The following SLC8A1 variants were observed in gnomAD, a reference collection of about 807,000 sequenced individuals.
SLC8A1 encodes solute carrier family 8 member A1, also known as sodium/calcium exchanger 1.
Under a neutral mutation model 68.3 loss-of-function variants are expected in SLC8A1, and 18 were observed. The ratio of observed to expected loss-of-function variants is 0.26; its 90% CI spans 0.18 to 0.39. The LOEUF (loss-of-function observed/expected upper bound fraction) is 0.39, where lower values mean the gene tolerates loss of function less well. Among genes scored for constraint, SLC8A1 ranks in the 10% least tolerant of loss-of-function variants. The pLI is 1.00. For synonymous variants in SLC8A1, 475 were observed against 415.5 expected (o/e 1.14, Z -1.74); for missense variants, 985 against 1,156.7 (o/e 0.85, Z 2.15).
chr2:40,330,821 T>C (rs141134896), intron 2 of SLC8A1, among the ~76,000 whole-genome samples: 16 of 152,286 alleles, frequency 1.1e-4, no homozygotes, highest in African/African-American at 3.8e-4. Flanking sequence ...TCTGGAAAAA[T>C]GACAAATGGC....
intron 1 of SLC8A1, among the ~76,000 whole-genome samples, chr2:40,441,395 GAA>G (rs147850068): frequency 0.12 from 17,141 of 141,672 alleles, 1,234 homozygotes; most frequent in Middle Eastern, 0.23. Flanking sequence ...CATAGAATTA[GAA>G]AAAAAAAAAA....
intron 2 of SLC8A1, among the ~76,000 whole-genome samples, chr2:40,306,522 C>T (rs1054899739): frequency 1.3e-5 from 2 of 152,050 alleles, no homozygotes; most frequent in African/African-American, 2.4e-5. Context: ...GTTATTATCC[C>T]TTAACATTTT....
chr2:40,239,153 AAAC>A (rs2060861555), intron 2 of SLC8A1, among the ~76,000 whole-genome samples: 1 of 152,222 alleles, frequency 6.6e-6, no homozygotes, highest in Non-Finnish European at 1.5e-5. Flanking sequence ...CCTAAAAAGG[AAAC>A]AACAGTCAGC....
Position 40,430,092 on chromosome 2 carries a change from A to G in SLC8A1, c.189T>C (p.Ile63=), listed in dbSNP as rs979241667. Residue 63 remains isoleucine (I), a synonymous_variant, in exon 2 of 8, where the codon ATT becomes ATC. Coordinates refer to ENST00000406785, the Ensembl canonical transcript of SLC8A1. ...CAAAAGAAGGGTCTTGGGGTTCCCA[A>G]ATGGGCAAAATCACCCCTTTCTTAC... The G allele has an allele frequency of 4.3e-6, 7 of 1,613,744 alleles. No homozygotes were observed. The South Asian group carries it at 4.4e-5, about 10-fold the overall frequency.
At chr2:40,331,834 C>G (rs1176429715) in intron 2 of SLC8A1, among the ~76,000 whole-genome samples, 1 of 152,112 alleles carries the variant, frequency 6.6e-6, no homozygotes, top group African/African-American at 2.4e-5. Context: ...CTCAGGTGAT[C>G]CATCAGCCTT....
At chr2:40,218,611 C>G (rs746669609) in intron 2 of SLC8A1, among the ~76,000 whole-genome samples, 1 of 149,058 alleles carries the variant, frequency 6.7e-6, no homozygotes, top group African/African-American at 2.5e-5. Flanking sequence ...GTATATAAAG[C>G]AAAGGGAAAA....
At chr2:40,256,060 G>A (rs751765315) in intron 2 of SLC8A1, among the ~76,000 whole-genome samples, 7 of 152,134 alleles carry the variant, frequency 4.6e-5, no homozygotes, top group South Asian at 4.1e-4. Context: ...AAATCTAACC[G>A]AAGCCACAGG....
At chr2:40,284,123 T>G (rs185372428) in intron 2 of SLC8A1, among the ~76,000 whole-genome samples, 1 of 152,024 alleles carries the variant, frequency 6.6e-6, no homozygotes, top group Non-Finnish European at 1.5e-5. Context: ...ACGAATTACA[T>G]TGTTTCCATT....
intron 2 of SLC8A1, among the ~76,000 whole-genome samples, chr2:40,401,596 A>G (rs1261052216): frequency 6.7e-6 from 1 of 149,216 alleles, no homozygotes; most frequent in Non-Finnish European, 1.5e-5. Flanking sequence ...AAAAAGAAAG[A>G]AAAGAAAGCT....
At chr2:40,233,338 G>T (rs2059933199) in intron 2 of SLC8A1, among the ~76,000 whole-genome samples, 1 of 152,110 alleles carries the variant, frequency 6.6e-6, no homozygotes, top group Non-Finnish European at 1.5e-5. Context: ...GCATTTCTCT[G>T]ATGGCCAGTG....
At chr2:40,350,260 T>C (rs187573840) in intron 2 of SLC8A1, among the ~76,000 whole-genome samples, 121 of 152,166 alleles carry the variant, frequency 8.0e-4, no homozygotes, top group African/African-American at 2.8e-3. Flanking sequence ...GTGGGAAGGA[T>C]AGCTTGAGCC....
chr2:40,413,312 T>C (rs906169573), intron 2 of SLC8A1, among the ~76,000 whole-genome samples: 2 of 152,156 alleles, frequency 1.3e-5, no homozygotes, highest in African/African-American at 4.8e-5. Context: ...CATATGTTTA[T>C]TGCGGCACTA....
chr2:40,284,306 A>G (rs1408417496), intron 2 of SLC8A1, among the ~76,000 whole-genome samples: 1 of 148,892 alleles, frequency 6.7e-6, no homozygotes, highest in Admixed American at 6.8e-5. Context: ...ATTTAGAGAA[A>G]TGTTATAGAT....
intron 2 of SLC8A1, among the ~76,000 whole-genome samples, chr2:40,370,922 T>C (rs1463215157): frequency 1.3e-5 from 2 of 152,086 alleles, no homozygotes; most frequent in Admixed American, 6.6e-5. Context: ...GTGCATTTTA[T>C]TTAGCATGAC....
At chr2:40,122,199 C>T (rs1241376662) in intron 7 of SLC8A1, among the ~76,000 whole-genome samples, 3 of 90,168 alleles carry the variant, frequency 3.3e-5, no homozygotes, top group Non-Finnish European at 5.5e-5. Context: ...CAAGTGCATG[C>T]GCGCGCGCAC....
At chr2:40,473,019 T>C (rs1174665427) in intron 1 of SLC8A1, among the ~76,000 whole-genome samples, 1 of 136,402 alleles carries the variant, frequency 7.3e-6, no homozygotes, top group Non-Finnish European at 1.5e-5. Context: ...GTCAGGAGGG[T>C]AACCTGAGAG....
chr2:40,263,039 A>C (rs2064909649), intron 2 of SLC8A1, among the ~76,000 whole-genome samples: 1 of 152,254 alleles, frequency 6.6e-6, no homozygotes, highest in East Asian at 1.9e-4. Flanking sequence ...TGCCAACTCT[A>C]AAATGGTTTC....
At chr2:40,223,630 G>C (rs2058626964) in intron 2 of SLC8A1, 1 of 151,670 alleles carries the variant, frequency 6.6e-6, no homozygotes, top group Admixed American at 6.6e-5. Flanking sequence ...TTCTCCCTAG[G>C]TTTTGGAAAT....
intron 2 of SLC8A1, among the ~76,000 whole-genome samples, chr2:40,359,103 G>C (rs989134823): frequency 2.1e-4 from 32 of 152,208 alleles, no homozygotes; most frequent in African/African-American, 7.7e-4. Context: ...TGAAGCTGAA[G>C]GTGGGGAAGG....
Sources: allele counts gnomAD v4.1 joint callset (sites outside exome capture counted in the v4.1 genomes callset), GRCh38; gene constraint gnomAD v4.1.1; transcripts MANE v1.5; gene names NCBI Gene and HGNC (gene_info 2026-07-23, HGNC 2026-07-21).